Variants in DDX59 observed in about 807,000 individuals in gnomAD.
DDX59 encodes probable ATP-dependent RNA helicase DDX59.
In DDX59, 30 loss-of-function variants were observed where a neutral mutation model predicts 51.9. That is an observed-to-expected ratio of 0.58 (90% CI 0.43 to 0.78). The LOEUF (loss-of-function observed/expected upper bound fraction) is 0.78. DDX59 is among the 30% of genes least tolerant of loss of function. The pLI is 0.00. For synonymous variants in DDX59, 255 were observed against 253.3 expected (o/e 1.01, Z -0.06); for missense variants, 672 against 730.8 (o/e 0.92, Z 0.93).
chr1:200,669,019 G>C (rs1160955867), intron 1 of DDX59, among the ~76,000 whole-genome samples: 1 of 152,096 alleles, frequency 6.6e-6, no homozygotes. Flanking sequence ...AATTTCCTTG[G>C]GCACATGTTC....
At chr1:200,669,658 G>A (rs916319901) in intron 1 of DDX59, 109 bp downstream of exon 1, 2 of 152,298 alleles carry the variant, frequency 1.3e-5, no homozygotes, top group Admixed American at 6.5e-5. Context: ...GTAAGGATGG[G>A]AGGAAGGCCG....
At chr1:200,663,292 G>T (rs1193691079) in intron 3 of DDX59, among the ~76,000 whole-genome samples, 1 of 152,138 alleles carries the variant, frequency 6.6e-6, no homozygotes, top group Admixed American at 6.5e-5. Context: ...TATTTTGATT[G>T]GTCAGCATCT....
chr1:200,660,927 A>T (rs1558126948), intron 3 of DDX59, among the ~76,000 whole-genome samples: 1 of 152,184 alleles, frequency 6.6e-6, no homozygotes, highest in African/African-American at 2.4e-5. Flanking sequence ...CCCAGCGATG[A>T]CTGTATTCCC....
chr1:200,665,083 A>T (rs1424570600), intron 2 of DDX59, among the ~76,000 whole-genome samples: 1 of 152,236 alleles, frequency 6.6e-6, no homozygotes, highest in African/African-American at 2.4e-5. Context: ...ACTATTTGTG[A>T]AAGTGCTCTA....
Position 200,649,090 on chromosome 1 carries a change from C to A in DDX59, c.1451G>T (p.Arg484Met), listed in dbSNP as rs1661478932. The A allele has an allele frequency of 6.4e-7, 1 of 1,562,610 alleles. No individual in the cohort carries two copies. Among genetic ancestry groups the A allele is most frequent in the Non-Finnish European group, 8.6e-7 (1 of 1,162,562 alleles). Reference protein sequence around the residue: ...SIHSEKSQIERKNILKGLLEG... With the variant: ...SIHSEKSQIEMKNILKGLLEG... ...GTGTCAAACCTTCAATATGTTTTTCCTTTCTATTTGCGACTTCTCTGAATG... is the reference window on the plus strand; with the variant it reads ...GTGTCAAACCTTCAATATGTTTTTCATTTCTATTTGCGACTTCTCTGAATG... Residue 484 changes from arginine (R) to methionine (M), a missense_variant, in exon 6 of 8, where the codon AGG becomes ATG. Arg to Met is a moderately conservative substitution (Grantham distance 91, BLOSUM62 -1). Coordinates refer to ENST00000331314, the MANE Select transcript of DDX59 (RefSeq NM_001031725.6).
At position 200,649,152 on chromosome 1, in the gene DDX59, G is replaced by A. The variant is rs147405057; in HGVS notation, c.1389C>T (p.Ala463=). The change falls in exon 6 of 8, where the codon GCC becomes GCT. Residue 463 remains alanine (A), a synonymous_variant. Coordinates refer to ENST00000331314, the MANE Select transcript of DDX59 (RefSeq NM_001031725.6). ...TTTTCAGCCCTGTGATTTTCTGAAC[G>A]GCTTCACTCAAAAGATCTGCTCCTA... is the stretch of plus-strand genomic sequence containing the variant. ...CKLGADLLSE[A]VQKITGLKSI... The A allele has an allele frequency of 8.8e-6, 14 of 1,596,256 alleles. No homozygotes were observed. The highest frequency in any genetic ancestry group is 5.7e-5 in the South Asian group (5 of 87,596).
At chr1:200,665,820 T>C in intron 2 of DDX59, 117 bp downstream of exon 2, 1 of 1,172,634 alleles carries the variant, frequency 8.5e-7, no homozygotes, top group Non-Finnish European at 1.2e-6. Flanking sequence ...CACTAGTGAC[T>C]AAAATTCCAA....
chr1:200,648,135 T>C (rs1349775935), intron 7 of DDX59, among the ~76,000 whole-genome samples: 1 of 151,764 alleles, frequency 6.6e-6, no homozygotes, highest in African/African-American at 2.4e-5. Flanking sequence ...GCGATTTTCC[T>C]GCCTCAGCCT....
At chr1:200,668,307 CAAA>C (rs68140421) in intron 1 of DDX59, among the ~76,000 whole-genome samples, 11 of 130,872 alleles carry the variant, frequency 8.4e-5, no homozygotes, top group Non-Finnish European at 9.9e-5. Flanking sequence ...GACTCCGTCT[CAAA>C]AAAAAAAAAA....
At chr1:200,648,622 TG>T in intron 6 of DDX59, 55 bp from the exon 7 acceptor site, 1 of 1,551,474 alleles carries the variant, frequency 6.4e-7, no homozygotes, top group East Asian at 2.3e-5. Flanking sequence ...TGTGGTTTTG[TG>T]TAATTCTGAT....
chr1:200,649,187 C>T lies in DDX59; in HGVS notation c.1354G>A (p.Asp452Asn), dbSNP rs761185505. The T allele has an allele frequency of 8.2e-6, 13 of 1,593,126 alleles. No individual in the cohort carries two copies. The East Asian group carries it at 2.7e-4, about 33-fold the overall frequency. ...LFKPPVLVFV[D>N]CKLGADLLSE... ...AAAAGATCTGCTCCTAGTTTGCAGT[C>T]CACAAATACTAACACTGGAGGCTTA... Residue 452 changes from aspartate (D) to asparagine (N), a missense_variant, in exon 6 of 8, where the codon GAC (aspartate) becomes AAC (asparagine). By Grantham distance (23) the Asp-to-Asn change is conservative. Coordinates refer to ENST00000331314, the MANE Select transcript of DDX59 (RefSeq NM_001031725.6).
chr1:200,650,730 A>AC lies in DDX59; in HGVS notation c.1063-55dup, dbSNP rs945667220. The AC allele has an allele frequency of 2.1e-6, 3 of 1,443,770 alleles. No homozygotes were observed. In the African/African-American group the frequency reaches 4.3e-5, roughly 21 times the overall value. The allele number at this position is 1,443,770 out of a possible 1,614,324, so 89.4% of individuals were successfully genotyped here. On this transcript the variant is annotated intron_variant, in intron 4 of 7. Coordinates refer to ENST00000331314, the MANE Select transcript of DDX59 (RefSeq NM_001031725.6). ...TTGTTTGACATTAAAACCCAGAACC[A>AC]CCCCCAAAAAAGACTGATATAATTA... is the stretch of plus-strand genomic sequence containing the variant.
chr1:200,652,488 G>C lies in DDX59; in HGVS notation c.1063-1812C>G, dbSNP rs557807553. On this transcript the variant is annotated intron_variant, in intron 4 of 7. Coordinates refer to ENST00000331314, the MANE Select transcript of DDX59 (RefSeq NM_001031725.6). Reference sequence around the variant, plus strand: ...GGGCTCAAGCCAACCTCCCACCTCAGTTTTCCAAATAGCTAGGACTACAGG... The same window carrying C: ...GGGCTCAAGCCAACCTCCCACCTCACTTTTCCAAATAGCTAGGACTACAGG... Among the ~76,000 whole-genome samples, 4 of 152,164 alleles carry C rather than the reference G, an allele frequency of 2.6e-5. No homozygotes were observed. The South Asian group carries it at 8.3e-4, about 32-fold the overall frequency.
At chr1:200,667,358 C>T (rs915921839) in intron 1 of DDX59, among the ~76,000 whole-genome samples, 11 of 152,190 alleles carry the variant, frequency 7.2e-5, no homozygotes, top group Non-Finnish European at 1.2e-4. Context: ...CCTAAGACCT[C>T]ACCATTGCAC....
intron 7 of DDX59, among the ~76,000 whole-genome samples, chr1:200,646,601 A>G (rs370930172): frequency 4.6e-5 from 7 of 152,334 alleles, no homozygotes; most frequent in East Asian, 3.9e-4. Flanking sequence ...AATAAAAAAG[A>G]TAAGTGTTGA....
rs748561193 is a variant in DDX59 at position 200,644,369 on chromosome 1, T to C, written c.1745A>G (p.His582Arg). 3 of 1,613,732 alleles carry C rather than the reference T, an allele frequency of 1.9e-6. No individual in the cohort carries two copies. Among genetic ancestry groups the C allele is most frequent in the African/African-American group, 1.3e-5 (1 of 74,900 alleles). Residue 582 changes from histidine to arginine, a missense_variant, in exon 8 of 8, where the codon CAT becomes CGT. By Grantham distance (29) the His-to-Arg change is conservative. Transcript: ENST00000331314. ...CTGTTGTTCCTTTCTCTTCTGGTCA[T>C]GAAGGTATGGGGAATTTAATAACTG... ...PPQLLNSPYL[H>R]DQKRKEQQKD...
In DDX59 at chr1:200,662,680, T is replaced by C. The variant is rs1403238298; in HGVS notation, c.972+1239A>G. Among the ~76,000 whole-genome samples, 3 of 152,190 alleles carry C rather than the reference T, an allele frequency of 2.0e-5. No individual in the cohort carries two copies. The East Asian group carries it at 5.8e-4, about 29-fold the overall frequency. On this transcript the variant is annotated intron_variant, in intron 3 of 7. Transcript: ENST00000331314. ...ACATTAACATATATTTTTTTAAGAA[T>C]TGGAATGCAAGCTTAGTTTAAAAGC...
chr1:200,648,343 G>A lies in DDX59; in HGVS notation c.1596+96C>T, dbSNP rs565691030. On this transcript the variant is annotated intron_variant, in intron 7 of 7. Coordinates refer to ENST00000331314, the MANE Select transcript of DDX59 (RefSeq NM_001031725.6). ...ATTACAGGTGTGAGCCACTGTCCTG[G>A]CCGATACTGCTTTCTTAAACTTGGT... 1.5e-4 allele frequency: 235 copies of A among 1,538,614 alleles called. 2 individuals carry two copies. In the South Asian group the frequency reaches 2.5e-3, roughly 17 times the overall value.
chr1:200,668,489 C>A (rs1384006027), intron 1 of DDX59, among the ~76,000 whole-genome samples: 1 of 149,518 alleles, frequency 6.7e-6, no homozygotes, highest in Admixed American at 6.8e-5. Context: ...CCCTACAAAC[C>A]ATAAATTCTC....
Sources: allele counts gnomAD v4.1 joint callset (sites outside exome capture counted in the v4.1 genomes callset), GRCh38; gene constraint gnomAD v4.1.1; transcripts MANE v1.5; gene names NCBI Gene and HGNC (gene_info 2026-07-23, HGNC 2026-07-21).